Variants in COL6A2 observed in about 807,000 individuals in gnomAD.
COL6A2 encodes the protein collagen alpha-2(VI) chain.
COL6A2 carries 90 observed loss-of-function variants against 124.9 expected under a neutral mutation model. That is an observed-to-expected ratio of 0.72 (90% CI 0.61 to 0.86). COL6A2 has a LOEUF of 0.86. Ranked by LOEUF, COL6A2 falls within the 40% of genes least tolerant of loss-of-function variation. COL6A2 has a pLI of 0.00. For missense variants in COL6A2, 1,607 were observed against 1,502.5 expected, an observed-to-expected ratio of 1.07 and a Z score of -1.15; for synonymous variants, 793 against 618.2, an observed-to-expected ratio of 1.28 and a Z score of -4.19.
intron 27 of COL6A2, chr21:46,128,929 A>G (rs756233017): frequency 6.2e-7 from 1 of 1,612,640 alleles, no homozygotes; most frequent in Admixed American, 1.7e-5. Context: ...TTTGTGCTGA[A>G]AGGTTTTCTC....
At chr21:46,112,599 C>T (rs748899554) in intron 3 of COL6A2, 22 bp downstream of exon 3, 447 of 1,610,486 alleles carry the variant, frequency 2.8e-4, no homozygotes, top group Admixed American at 8.3e-5. Flanking sequence ...GCGGGAGCAC[C>T]GTCCACGCGC....
chr21:46,131,614 A>C (rs1255688312), intron 27 of COL6A2, among the ~76,000 whole-genome samples: 1 of 152,076 alleles, frequency 6.6e-6, no homozygotes, highest in African/African-American at 2.4e-5. Flanking sequence ...TGGGCAGCAA[A>C]TTCTTGAGCC....
intron 1 of COL6A2, among the ~76,000 whole-genome samples, chr21:46,109,252 G>A (rs2078368696): frequency 6.6e-6 from 1 of 151,926 alleles, no homozygotes; most frequent in Admixed American, 6.5e-5. Context: ...TTCAGGTCCT[G>A]AAGCTCTCAG....
intron 1 of COL6A2, among the ~76,000 whole-genome samples, chr21:46,102,853 G>A (rs944263170): frequency 5.3e-5 from 8 of 152,142 alleles, no homozygotes; most frequent in African/African-American, 1.7e-4. Flanking sequence ...TTGCATCAAT[G>A]TTCATAAGGA....
intron 27 of COL6A2, among the ~76,000 whole-genome samples, chr21:46,127,530 G>A (rs917934545): frequency 7.9e-5 from 12 of 152,142 alleles, no homozygotes; most frequent in Admixed American, 2.0e-4. Flanking sequence ...CCACAACAGT[G>A]GGCTGTGCTT....
At chr21:46,123,791 T>C (rs1381251505) in intron 21 of COL6A2, among the ~76,000 whole-genome samples, 1 of 129,748 alleles carries the variant, frequency 7.7e-6, no homozygotes, top group African/African-American at 3.3e-5. Context: ...TGGGTGTATG[T>C]ATGGATGGGT....
rs2123658612 is a variant in COL6A2, at chr21:46,124,682, C to T, written c.1703C>T (p.Pro568Leu). 1.2e-6 allele frequency: 2 copies of T among 1,612,930 alleles called. No individual in the cohort carries two copies. The highest frequency in any genetic ancestry group is 1.7e-6 in the Non-Finnish European group (2 of 1,179,944). The part of the protein sequence containing the change: ...ADPGPPGEPG[P>L]RGPRGVPGPE... ...CCTGGTCCCCCTGGTGAGCCAGGCC[C>T]TCGGGGGCCAAGAGGAGTCCCAGGA... The change falls in exon 22 of 28, where the codon CCT (proline) becomes CTT (leucine). Residue 568 changes from proline (P) to leucine (L), a missense_variant. Transcript: ENST00000300527.
intron 1 of COL6A2, among the ~76,000 whole-genome samples, chr21:46,102,977 G>T (rs1018392094): frequency 2.0e-5 from 3 of 152,018 alleles, no homozygotes; most frequent in Admixed American, 1.3e-4. Context: ...CAAGTTTTTT[G>T]AAAATTTTGG....
chr21:46,126,619 G>T (rs768792284), intron 27 of COL6A2, 78 bp downstream of exon 27: 136 of 1,574,790 alleles, frequency 8.6e-5, no homozygotes, highest in Non-Finnish European at 1.1e-4. Context: ...GGGCCGGGCT[G>T]GGGGAGGGGC....
At chr21:46,100,310 G>GTGTTTGTT (rs148554229) in intron 1 of COL6A2, among the ~76,000 whole-genome samples, 5 of 151,890 alleles carry the variant, frequency 3.3e-5, no homozygotes, top group Admixed American at 6.5e-5. Context: ...GGCCATGGAT[G>GTGTTTGTT]TGTTTGTTTG....
chr21:46,125,514 C>A lies in COL6A2; in HGVS notation c.1866C>A (p.Ser622Arg), dbSNP rs2078648625. 3 of 1,613,012 alleles carry A rather than the reference C, an allele frequency of 1.9e-6. No individual in the cohort carries two copies. Among genetic ancestry groups the A allele is most frequent in the Non-Finnish European group, 2.5e-6 (3 of 1,179,982 alleles). The change falls in exon 25 of 28, where the codon AGC becomes AGA. Residue 622 changes from serine (S) to arginine (R), a missense_variant. Ser to Arg is a moderately radical substitution (Grantham distance 110). This residue lies in a region of COL6A2 where 1,223 missense variants were observed against 1,052.2 expected (regional missense o/e 1.16). Coordinates refer to ENST00000300527, the MANE Select transcript of COL6A2 (RefSeq NM_001849.4). ...GALDVVFVID[S>R]SESIGYTNFT... ...TGGACGTGGTCTTCGTCATCGACAGCTCCGAGAGCATTGGGTACACCAACT... is the reference window on the plus strand; with the variant it reads ...TGGACGTGGTCTTCGTCATCGACAGATCCGAGAGCATTGGGTACACCAACT...
Position 46,132,355 on chromosome 21 carries a change from GAC to G in COL6A2, c.2865_2866del (p.Asp955GlufsTer37). On this transcript the variant is annotated frameshift_variant, in exon 28 of 28. Coordinates refer to ENST00000300527, the MANE Select transcript of COL6A2 (RefSeq NM_001849.4). LOFTEE classifies it high-confidence loss of function. ...VFLTDGVTGN[D>X]SLHESAHSMR... The stretch of plus-strand genomic sequence containing the variant: ...CCTCACGGACGGCGTCACGGGCAAC[GAC>G]AGTCTGCACGAGTCGGCGCACTCCA... 1 of 1,608,832 alleles carries G rather than the reference GAC, an allele frequency of 6.2e-7. No individual in the cohort carries two copies. The highest frequency in any genetic ancestry group is 8.5e-7 in the Non-Finnish European group (1 of 1,179,614).
At chr21:46,117,549 G>A in intron 11 of COL6A2, 96 bp downstream of exon 11, 1 of 1,273,866 alleles carries the variant, frequency 7.9e-7, no homozygotes, top group South Asian at 1.2e-5. Context: ...GGGAGCGTGG[G>A]TTCTCCCGGC....
intron 14 of COL6A2, 107 bp downstream of exon 14, chr21:46,119,226 C>T: frequency 1.1e-6 from 1 of 879,136 alleles, no homozygotes; most frequent in Non-Finnish European, 1.8e-6. Flanking sequence ...GGATCCCCTG[C>T]TGGCAAGGCA....
At chr21:46,129,848 G>C (rs1318912737) in intron 27 of COL6A2, 1 of 1,065,686 alleles carries the variant, frequency 9.4e-7, no homozygotes, top group Admixed American at 4.8e-5. Context: ...ACCCTCACAG[G>C]CTCCAGGGTT....
chr21:46,127,288 GC>G lies in COL6A2; in HGVS notation c.2461+748del, dbSNP rs540018159. ...CCACAGGGAGGAAACCTCAGGGTCT[GC>G]GGTACGAAGTCAGCGCTTCCTCAGC... On this transcript the variant is annotated intron_variant, in intron 27 of 27. Transcript: ENST00000300527. Among the ~76,000 whole-genome samples the G allele has an allele frequency of 1.6e-4, 24 of 152,286 alleles. No homozygotes were observed. In the East Asian group the frequency reaches 4.6e-3, roughly 29 times the overall value.
intron 1 of COL6A2, among the ~76,000 whole-genome samples, chr21:46,110,294 A>C (rs926883468): frequency 2.0e-5 from 3 of 152,024 alleles, no homozygotes; most frequent in African/African-American, 7.3e-5. Context: ...CGCTGCCATC[A>C]GTAATATTTA....
intron 1 of COL6A2, among the ~76,000 whole-genome samples, chr21:46,099,455 C>CAAAA (rs35690093): frequency 4.4e-5 from 3 of 68,698 alleles, no homozygotes; most frequent in Non-Finnish European, 8.0e-5. Context: ...GAGACTGTCT[C>CAAAA]AAAAAAAAAA....
intron 5 of COL6A2, 43 bp downstream of exon 5, chr21:46,114,116 GC>G (rs767588626): frequency 3.3e-5 from 51 of 1,550,860 alleles, no homozygotes; most frequent in Non-Finnish European, 3.8e-5. Flanking sequence ...CTACCAGGAA[GC>G]CCCTGATTTG....
Sources: allele counts gnomAD v4.1 joint callset (sites outside exome capture counted in the v4.1 genomes callset), GRCh38; gene constraint gnomAD v4.1.1; regional missense constraint gnomAD v4.1.1; transcripts MANE v1.5; gene names NCBI Gene and HGNC (gene_info 2026-07-23, HGNC 2026-07-21).